Variants in FBXL20 observed in about 807,000 individuals in gnomAD.
The protein encoded by FBXL20 is F-box and leucine rich repeat protein 20.
A neutral mutation model predicts 64.0 loss-of-function variants in FBXL20; 11 were observed. The observed-to-expected ratio is 0.17, with a 90% CI of 0.11 to 0.28. FBXL20 has a LOEUF of 0.28. FBXL20 is among the 10% of genes least tolerant of loss of function. The pLI is 1.00. For synonymous variants in FBXL20, 184 were observed against 189.0 expected, an observed-to-expected ratio of 0.97 and a Z score of 0.22; for missense variants, 303 against 526.2, an observed-to-expected ratio of 0.58 and a Z score of 4.15.
At chr17:39,383,614 G>A (rs1368227345) in intron 1 of FBXL20, among the ~76,000 whole-genome samples, 2 of 145,462 alleles carry the variant, frequency 1.4e-5, no homozygotes, top group Non-Finnish European at 3.0e-5. Context: ...TTTTGAGATG[G>A]AGTCTCATTC....
At chr17:39,399,774 G>A (rs1356332331) in intron 1 of FBXL20, among the ~76,000 whole-genome samples, 1 of 152,058 alleles carries the variant, frequency 6.6e-6, no homozygotes, top group Non-Finnish European at 1.5e-5. Flanking sequence ...GTAAATTAAA[G>A]TATAAGATAA....
chr17:39,401,213 CG>C, intron 1 of FBXL20, 147 bp downstream of exon 1: 1 of 1,503,888 alleles, frequency 6.6e-7, no homozygotes, highest in Non-Finnish European at 8.9e-7. Flanking sequence ...GCTTCTGGGT[CG>C]CAAGAAAGGG....
In FBXL20 at chr17:39,295,784, G is replaced by GATAT. The variant is rs10568875; in HGVS notation, c.398+1339_398+1342dup. Among the ~76,000 whole-genome samples the GATAT allele has an allele frequency of 8.0e-3, 1,099 of 137,070 alleles. 8 individuals carry two copies. Among genetic ancestry groups the GATAT allele is most frequent in the African/African-American group, 0.015 (567 of 37,382 alleles). The allele number at this position is 137,070 out of a possible 152,430, so 89.9% of individuals were successfully genotyped here. A position where few individuals can be genotyped will look rare whatever the true frequency, so the allele number is the denominator to read the frequency against. Reference sequence around the variant, plus strand: ...CTTTTTGAAAATATGCAAATATGGAGATATATATATATATATATATATTAA... The same window carrying GATAT: ...CTTTTTGAAAATATGCAAATATGGAGATATATATATATATATATATATATATTAA... On this transcript the variant is annotated intron_variant, in intron 6 of 14. Transcript: ENST00000264658.
At chr17:39,294,733 CAG>C (rs2047069500) in intron 6 of FBXL20, among the ~76,000 whole-genome samples, 1 of 152,012 alleles carries the variant, frequency 6.6e-6, no homozygotes, top group Non-Finnish European at 1.5e-5. Flanking sequence ...CACTTATGGC[CAG>C]ACACGGTGGC....
intron 1 of FBXL20, among the ~76,000 whole-genome samples, chr17:39,345,686 G>A (rs1426044796): frequency 3.3e-5 from 5 of 152,018 alleles, no homozygotes; most frequent in Admixed American, 6.6e-5. Context: ...GATTATGGGC[G>A]CCTGCCACCA....
intron 1 of FBXL20, among the ~76,000 whole-genome samples, chr17:39,367,699 G>A (rs771966782): frequency 2.0e-5 from 3 of 151,658 alleles, no homozygotes; most frequent in Admixed American, 6.6e-5. Flanking sequence ...TTCTTTTTGG[G>A]GGACAGAGGA....
intron 2 of FBXL20, among the ~76,000 whole-genome samples, chr17:39,321,599 A>G (rs1449376970): frequency 2.0e-5 from 3 of 151,850 alleles, no homozygotes; most frequent in Non-Finnish European, 2.9e-5. Context: ...CCAACATGGT[A>G]AAACCTCATC....
chr17:39,336,097 AGAGT>A (rs1185721894), intron 2 of FBXL20, among the ~76,000 whole-genome samples: 19 of 149,336 alleles, frequency 1.3e-4, no homozygotes, highest in East Asian at 6.2e-4. Context: ...CCTAGGCAAC[AGAGT>A]GAGAGCCTGT....
At chr17:39,292,552 C>T (rs918179122) in intron 6 of FBXL20, among the ~76,000 whole-genome samples, 3 of 152,056 alleles carry the variant, frequency 2.0e-5, no homozygotes, top group Non-Finnish European at 2.9e-5. Flanking sequence ...TACCACCACA[C>T]CTGGCTTGTA....
chr17:39,316,327 C>A (rs1369779665), intron 2 of FBXL20, among the ~76,000 whole-genome samples: 2 of 151,590 alleles, frequency 1.3e-5, no homozygotes, highest in East Asian at 3.9e-4. Context: ...TTTTTTCTTT[C>A]CCCCCGAGCT....
rs150339903 is a variant in FBXL20, at chr17:39,303,630, A to T, written c.114T>A (p.Ser38=). ...GGCACAGGGTAACAACATCTAGAAAAGAAAATATCCTAAAAAGAAAAGAGA... is the reference window on the plus strand; with the variant it reads ...GGCACAGGGTAACAACATCTAGAAATGAAAATATCCTAAAAAGAAAAGAGA... ...LPKELLLRIF[S]FLDVVTLCRC... is the part of the protein sequence containing the mutation. Residue 38 remains serine (S), a synonymous_variant, in exon 3 of 15, where the codon TCT becomes TCA. Transcript: ENST00000264658. 7 of 1,609,716 alleles carry T rather than the reference A, an allele frequency of 4.3e-6. No individual in the cohort carries two copies. The Admixed American group carries it at 8.4e-5, about 19-fold the overall frequency.
intron 1 of FBXL20, among the ~76,000 whole-genome samples, chr17:39,393,445 A>C (rs1030103777): frequency 1.3e-5 from 2 of 152,148 alleles, no homozygotes; most frequent in African/African-American, 2.4e-5. Flanking sequence ...TTGGGCTGGG[A>C]TTTTATATAT....
At chr17:39,268,442 C>T (rs1040449022) in intron 12 of FBXL20, among the ~76,000 whole-genome samples, 3 of 152,082 alleles carry the variant, frequency 2.0e-5, no homozygotes, top group African/African-American at 7.2e-5. Flanking sequence ...AGAGTCAGGT[C>T]TCCAGGGCTA....
rs538418592 is a variant in FBXL20, at chr17:39,337,870, G to A, written c.104+5310C>T. Among the ~76,000 whole-genome samples, 10 of 151,710 alleles carry A rather than the reference G, an allele frequency of 6.6e-5. No homozygotes were observed. The East Asian group carries it at 1.8e-3, about 27-fold the overall frequency. On this transcript the variant is annotated intron_variant, in intron 2 of 14. Coordinates refer to ENST00000264658, the MANE Select transcript of FBXL20 (RefSeq NM_032875.3). The stretch of plus-strand genomic sequence containing the variant: ...GCCGCCCCGTCCAGGAGGGAGGAGG[G>A]GGTCAGGCCCCGCCCGGCCAGCCAC...
intron 1 of FBXL20, among the ~76,000 whole-genome samples, chr17:39,391,581 A>AC (rs2048134146): frequency 6.6e-6 from 1 of 152,162 alleles, no homozygotes; most frequent in Non-Finnish European, 1.5e-5. Context: ...TTATAAGAGT[A>AC]CATTTTGTTT....
chr17:39,380,073 A>G (rs529770698), intron 1 of FBXL20, among the ~76,000 whole-genome samples: 4 of 152,274 alleles, frequency 2.6e-5, no homozygotes, highest in Admixed American at 2.6e-4. Flanking sequence ...ACTATAATCA[A>G]CTTGATGCAA....
intron 2 of FBXL20, among the ~76,000 whole-genome samples, chr17:39,336,198 T>A (rs560090632): frequency 6.6e-6 from 1 of 152,332 alleles, no homozygotes; most frequent in Non-Finnish European, 1.5e-5. Context: ...GTAACTTGGC[T>A]GTAAGCACTG....
intron 8 of FBXL20, among the ~76,000 whole-genome samples, chr17:39,282,129 T>G (rs923319310): frequency 1.3e-5 from 2 of 152,162 alleles, no homozygotes; most frequent in African/African-American, 4.8e-5. Flanking sequence ...ATTAATAAAA[T>G]AAAGTAGAGC....
intron 2 of FBXL20, among the ~76,000 whole-genome samples, chr17:39,323,698 A>C (rs1417638854): frequency 1.3e-5 from 2 of 152,040 alleles, no homozygotes; most frequent in African/African-American, 2.4e-5. Context: ...GGACACACCG[A>C]CCATTCCCTA....
Sources: gnomAD v4.1 joint callset for allele counts (sites outside exome capture counted in the v4.1 genomes callset) on GRCh38, gnomAD v4.1.1 for gene constraint, MANE v1.5 for transcripts, NCBI Gene and HGNC (gene_info 2026-07-23, HGNC 2026-07-21) for gene names.